RIMKLB: variants seen among roughly 807,000 people sequenced by gnomAD.
RIMKLB encodes the protein beta-citrylglutamate synthase B.
RIMKLB carries 7 observed loss-of-function variants against 32.0 expected under a neutral mutation model. The ratio of observed to expected loss-of-function variants is 0.22; its 90% CI spans 0.12 to 0.41. The LOEUF is 0.41. RIMKLB is among the 10% of genes least tolerant of loss of function. The pLI is 1.00. For missense variants in RIMKLB, 289 were observed against 498.7 expected (o/e 0.58, Z 4.00); for synonymous variants, 172 against 185.1 (o/e 0.93, Z 0.57).
intron 1 of RIMKLB, among the ~76,000 whole-genome samples, chr12:8,699,485 G>GT (rs1171861171): frequency 2.6e-4 from 40 of 152,134 alleles, no homozygotes; most frequent in African/African-American, 9.2e-4. Flanking sequence ...TGAAATTCCG[G>GT]TCTCAGAGAT....
Position 8,704,567 on chromosome 12 carries a change from C to T in RIMKLB, c.-57+6270C>T, listed in dbSNP as rs1392796865. Among the ~76,000 whole-genome samples the T allele has an allele frequency of 2.0e-5, 3 of 151,998 alleles. No individual in the cohort carries two copies. The East Asian group carries it at 5.8e-4, about 29-fold the overall frequency. On this transcript the variant is annotated intron_variant, in intron 1 of 5. Transcript: ENST00000535829. The stretch of plus-strand genomic sequence containing the variant: ...AATTCATCTTATAGCACTGGCAGAC[C>T]CTAGTTTTTAAAAGTAAACCTTAAT...
At position 8,736,784 on chromosome 12, in the gene RIMKLB, C is replaced by T. The variant is rs370542418; in HGVS notation, c.176-13078C>T. Among the ~76,000 whole-genome samples, 28 of 152,032 alleles carry T rather than the reference C, an allele frequency of 1.8e-4. 1 individual carries two copies. In the South Asian group the frequency reaches 5.8e-3, roughly 32 times the overall value. On this transcript the variant is annotated intron_variant, in intron 2 of 5. Coordinates refer to ENST00000535829, the MANE Select transcript of RIMKLB (RefSeq NM_001297776.2). ...TATAGATGTGAGCCACCTCACCCAGCCAGTTTCAGGAATTTTAATACTGCT... is the reference window on the plus strand; with the variant it reads ...TATAGATGTGAGCCACCTCACCCAGTCAGTTTCAGGAATTTTAATACTGCT...
rs1950739330 is a variant in RIMKLB at position 8,776,586 on chromosome 12, A to G, written c.*2802A>G. ...TATTTCAAAAATGATTATTTCTGAT[A>G]TTGTTTTTATGTCACCCATGATGAA... On this transcript the variant is annotated 3_prime_UTR_variant, in exon 6 of 6. Coordinates refer to ENST00000535829, the MANE Select transcript of RIMKLB (RefSeq NM_001297776.2). 7 of 834,316 alleles carry G rather than the reference A, an allele frequency of 8.4e-6. No homozygotes were observed. The highest frequency in any genetic ancestry group is 6.2e-5 in the Admixed American group (1 of 16,082). 51.7% of individuals were successfully genotyped at this position (834,316 alleles called of 1,614,324 possible). A position where few individuals can be genotyped will look rare whatever the true frequency, so the allele number is the denominator to read the frequency against.
At chr12:8,699,414 G>C (rs987420853) in intron 1 of RIMKLB, among the ~76,000 whole-genome samples, 2 of 152,034 alleles carry the variant, frequency 1.3e-5, no homozygotes, top group Non-Finnish European at 1.5e-5. Flanking sequence ...TTTAAAAAAT[G>C]ATTTCTTAAA....
At chr12:8,765,983 T>G (rs973815833) in intron 5 of RIMKLB, among the ~76,000 whole-genome samples, 5 of 152,104 alleles carry the variant, frequency 3.3e-5, no homozygotes, top group Non-Finnish European at 7.4e-5. Flanking sequence ...TTGATGAGGA[T>G]ATCGTGGCCA....
chr12:8,680,297 C>T (rs889026591), upstream of RIMKLB, among the ~76,000 whole-genome samples: 1 of 152,058 alleles, frequency 6.6e-6, no homozygotes. Context: ...CTGGGGACTA[C>T]AGGCGCCCGC....
At chr12:8,670,026 C>CAAAAAAAA in the RIMKLB span, among the ~76,000 whole-genome samples, 26 of 36,938 alleles carry the variant, frequency 7.0e-4, 1 homozygote, top group African/African-American at 2.5e-3. Context: ...GACTCCGTCT[C>CAAAAAAAA]AAAAAAAAAA....
chr12:8,706,485 T>C (rs903737878), intron 1 of RIMKLB, among the ~76,000 whole-genome samples: 1 of 149,092 alleles, frequency 6.7e-6, no homozygotes, highest in Non-Finnish European at 1.5e-5. Context: ...AGTTTCGCTC[T>C]TGTCACCCAG....
chr12:8,698,673 T>G (rs1255788112), intron 1 of RIMKLB, among the ~76,000 whole-genome samples: 1 of 151,662 alleles, frequency 6.6e-6, no homozygotes, highest in Admixed American at 6.6e-5. Context: ...CGCGGGCTGC[T>G]GACCTGTCCT....
chr12:8,747,990 A>C (rs1374681516), intron 2 of RIMKLB, among the ~76,000 whole-genome samples: 1 of 152,162 alleles, frequency 6.6e-6, no homozygotes, highest in South Asian at 2.1e-4. Context: ...TCCCAACCTC[A>C]GGTGATTCAC....
chr12:8,682,902 C>G (rs141820192), intron 1 of RIMKLB, among the ~76,000 whole-genome samples: 1,934 of 150,672 alleles, frequency 0.013, 38 homozygotes, highest in African/African-American at 0.046. Flanking sequence ...TCCCAAAGTG[C>G]TGGGATTATA....
intron 2 of RIMKLB, among the ~76,000 whole-genome samples, chr12:8,745,271 G>A (rs1415098436): frequency 6.6e-6 from 1 of 151,432 alleles, no homozygotes; most frequent in Admixed American, 6.6e-5. Context: ...TTTTTTAACT[G>A]ATTTTTTTCC....
In RIMKLB at chr12:8,776,472, TGA is replaced by T. The variant is rs944669724; in HGVS notation, c.*2695_*2696del. 1.5e-4 allele frequency: 112 copies of T among 756,974 alleles called. No individual in the cohort carries two copies. In the African/African-American group the frequency reaches 1.6e-3, roughly 11 times the overall value. The allele number at this position is 756,974 out of a possible 1,614,324, so 46.9% of individuals were successfully genotyped here. ...TTTTGTATAATCTTCATTGCTATTATGAGAGAGAATGTATATATCAAATATGT... is the reference window on the plus strand; with the variant it reads ...TTTTGTATAATCTTCATTGCTATTATGAGAGAATGTATATATCAAATATGT... On this transcript the variant is annotated 3_prime_UTR_variant, in exon 6 of 6. Coordinates refer to ENST00000535829, the MANE Select transcript of RIMKLB (RefSeq NM_001297776.2).
chr12:8,708,275 A>G (rs1944074546), intron 1 of RIMKLB, among the ~76,000 whole-genome samples: 1 of 152,188 alleles, frequency 6.6e-6, no homozygotes, highest in Admixed American at 6.5e-5. Context: ...GTACCTTAAT[A>G]TCTTCAGATG....
the RIMKLB span, among the ~76,000 whole-genome samples, chr12:8,675,578 AC>A: frequency 3.4e-4 from 52 of 152,316 alleles, no homozygotes; most frequent in African/African-American, 1.2e-3. Flanking sequence ...TAATTTCAAA[AC>A]AGTTTATTCT....
intron 2 of RIMKLB, among the ~76,000 whole-genome samples, chr12:8,727,025 A>G (rs1946077063): frequency 6.6e-6 from 1 of 152,192 alleles, no homozygotes; most frequent in African/African-American, 2.4e-5. Flanking sequence ...CAATTAATCT[A>G]AGTCCACTTT....
intron 2 of RIMKLB, among the ~76,000 whole-genome samples, chr12:8,715,228 C>CT (rs61677474): frequency 0.048 from 5,924 of 123,760 alleles, 197 homozygotes; most frequent in Admixed American, 0.08. Context: ...TGCTCTTGTT[C>CT]TTTTTTTTTT....
At chr12:8,763,135 C>T (rs1172159195) in intron 5 of RIMKLB, among the ~76,000 whole-genome samples, 1 of 152,230 alleles carries the variant, frequency 6.6e-6, no homozygotes, top group East Asian at 1.9e-4. Context: ...TTAACTGCTT[C>T]AGATCCTAAG....
chr12:8,693,911 T>TAA (rs1342948791), upstream of RIMKLB, among the ~76,000 whole-genome samples: 8 of 152,128 alleles, frequency 5.3e-5, no homozygotes, highest in Non-Finnish European at 1.2e-4. Context: ...TTAATCAGTT[T>TAA]TTGGGAGCTC....
Sources: gnomAD v4.1 joint callset for allele counts (sites outside exome capture counted in the v4.1 genomes callset) on GRCh38, gnomAD v4.1.1 for gene constraint, MANE v1.5 for transcripts, NCBI Gene and HGNC (gene_info 2026-07-23, HGNC 2026-07-21) for gene names.